Variants in ITSN1 observed in about 807,000 individuals in gnomAD.
ITSN1 encodes the protein intersectin 1, also known as intersectin-1.
Under a neutral mutation model 239.8 loss-of-function variants are expected in ITSN1, and 58 were observed. The ratio of observed to expected loss-of-function variants is 0.24; its 90% CI spans 0.20 to 0.30. The LOEUF is 0.30. Ranked by LOEUF, ITSN1 falls within the 10% of genes least tolerant of loss-of-function variation. ITSN1 has a pLI of 1.00. For missense variants in ITSN1, 1,558 were observed against 2,103.3 expected, an observed-to-expected ratio of 0.74 and a Z score of 5.07; for synonymous variants, 780 against 770.8, an observed-to-expected ratio of 1.01 and a Z score of -0.20.
At chr21:33,834,917 C>T (rs1241825701) in intron 28 of ITSN1, among the ~76,000 whole-genome samples, 1 of 152,126 alleles carries the variant, frequency 6.6e-6, no homozygotes, top group Non-Finnish European at 1.5e-5. Flanking sequence ...GCTGGGCAGG[C>T]AGGATGTTGT....
chr21:33,710,090 T>G (rs1371772288), intron 1 of ITSN1, among the ~76,000 whole-genome samples: 2 of 151,290 alleles, frequency 1.3e-5, no homozygotes, highest in Non-Finnish European at 3.0e-5. Context: ...TGTTTTTTTT[T>G]TTTTTTGAGA....
chr21:33,845,016 C>T (rs940161675), intron 29 of ITSN1, among the ~76,000 whole-genome samples: 1 of 152,102 alleles, frequency 6.6e-6, no homozygotes, highest in South Asian at 2.1e-4. Flanking sequence ...TTACCTCTCC[C>T]GCTGCCCACT....
intron 14 of ITSN1, among the ~76,000 whole-genome samples, chr21:33,776,847 TC>T (rs2069672081): frequency 6.6e-6 from 1 of 152,168 alleles, no homozygotes; most frequent in South Asian, 2.1e-4. Context: ...AAATATTTTC[TC>T]CCAATCTGGC....
At chr21:33,655,917 G>C (rs1480716337) in intron 1 of ITSN1, among the ~76,000 whole-genome samples, 1 of 152,106 alleles carries the variant, frequency 6.6e-6, no homozygotes, top group African/African-American at 2.4e-5. Context: ...AAATGCAGTT[G>C]GGTGGGGAGG....
At chr21:33,814,403 G>A in intron 22 of ITSN1, 1 of 266,538 alleles carries the variant, frequency 3.8e-6, no homozygotes, top group South Asian at 7.9e-5. Context: ...TGCTGGGAAG[G>A]CTCGAAGGCA....
chr21:33,802,945 C>T (rs2072120685), intron 20 of ITSN1, among the ~76,000 whole-genome samples: 1 of 152,074 alleles, frequency 6.6e-6, no homozygotes, highest in Non-Finnish European at 1.5e-5. Context: ...AAAGGGTTAC[C>T]CCTGTTACAT....
chr21:33,695,932 A>G (rs534201132), intron 1 of ITSN1, among the ~76,000 whole-genome samples: 1 of 152,318 alleles, frequency 6.6e-6, no homozygotes, highest in South Asian at 2.1e-4. Context: ...GAGATTAAAT[A>G]TTTGAGTCAT....
chr21:33,768,182 A>C (rs531746010), intron 11 of ITSN1, among the ~76,000 whole-genome samples: 2 of 152,354 alleles, frequency 1.3e-5, no homozygotes, highest in Non-Finnish European at 2.9e-5. Context: ...GAAATAGAAA[A>C]TCAAATCATC....
rs1986489307 is a variant in ITSN1 at position 33,893,327 on chromosome 21, C to T, written c.*5027C>T. ...CAAACCGGCCAGGTGCGGTGGCTCACACCTGTAATCCCAACACTTTGAGGG... is the reference window on the plus strand; with the variant it reads ...CAAACCGGCCAGGTGCGGTGGCTCATACCTGTAATCCCAACACTTTGAGGG... On this transcript the variant is annotated 3_prime_UTR_variant, in exon 40 of 40. Coordinates refer to ENST00000381318, the MANE Select transcript of ITSN1 (RefSeq NM_003024.3). 1 of 152,304 alleles carries T rather than the reference C, an allele frequency of 6.6e-6. No individual in the cohort carries two copies. The highest frequency in any genetic ancestry group is 2.1e-4 in the South Asian group (1 of 4,832). The allele number at this position is 152,304 out of a possible 1,614,324, so 9.4% of individuals were successfully genotyped here.
chr21:33,723,817 A>G (rs1240229156), intron 4 of ITSN1, among the ~76,000 whole-genome samples: 1 of 152,194 alleles, frequency 6.6e-6, no homozygotes, highest in Non-Finnish European at 1.5e-5. Context: ...CTCCTGTCAC[A>G]TAATAGGCCC....
At position 33,802,309 on chromosome 21, in the gene ITSN1, G is replaced by A. The variant is rs138013471; in HGVS notation, c.2305-121G>A. On this transcript the variant is annotated intron_variant, in intron 19 of 39. Transcript: ENST00000381318. ...CTAGGCCTGTTGAAACCTTTTCCTC[G>A]AATTGGCTAGTTAACCACCAGCTTG... is the stretch of plus-strand genomic sequence containing the variant. 1,169 of 925,518 alleles carry A rather than the reference G, an allele frequency of 1.3e-3. 11 individuals carry two copies. The highest frequency in any genetic ancestry group is 9.5e-5 in the Non-Finnish European group (56 of 588,806). The allele number at this position is 925,518 out of a possible 1,614,324, so 57.3% of individuals were successfully genotyped here.
At chr21:33,729,463 T>TAA (rs1024288539) in intron 4 of ITSN1, among the ~76,000 whole-genome samples, 1 of 97,294 alleles carries the variant, frequency 1.0e-5, no homozygotes, top group African/African-American at 3.9e-5. Flanking sequence ...AACAAACAAA[T>TAA]AAAAAAAAAA....
chr21:33,652,737 A>G (rs1192438681), intron 1 of ITSN1, among the ~76,000 whole-genome samples: 3 of 152,114 alleles, frequency 2.0e-5, no homozygotes, highest in Non-Finnish European at 4.4e-5. Context: ...CTGTATTACC[A>G]ATGAGTGTGA....
intron 11 of ITSN1, among the ~76,000 whole-genome samples, chr21:33,771,298 G>A (rs1449743041): frequency 6.6e-6 from 1 of 152,202 alleles, no homozygotes; most frequent in Non-Finnish European, 1.5e-5. Context: ...ATGGTTCTTA[G>A]ATGTGGACCA....
chr21:33,860,817 G>A (rs146247994), intron 31 of ITSN1, among the ~76,000 whole-genome samples: 127 of 152,220 alleles, frequency 8.3e-4, no homozygotes, highest in Admixed American at 1.4e-3. Context: ...TCTGGGCTCC[G>A]GCCCCTTCTA....
intron 4 of ITSN1, among the ~76,000 whole-genome samples, 167 bp from the exon 5 acceptor site, chr21:33,734,877 A>G (rs2066406051): frequency 6.6e-6 from 1 of 152,180 alleles, no homozygotes; most frequent in Non-Finnish European, 1.5e-5. Context: ...AAACTTGGCC[A>G]GTATTTACAG....
In ITSN1 at chr21:33,811,208, C is replaced by T. The variant is rs147907339; in HGVS notation, c.2553C>T (p.Ala851=). 304 of 1,592,636 alleles carry T rather than the reference C, an allele frequency of 1.9e-4. No homozygotes were observed. The highest frequency in any genetic ancestry group is 4.4e-5 in the Non-Finnish European group (51 of 1,167,862). Residue 851 remains alanine, a synonymous_variant, in exon 21 of 40, where the codon GCC becomes GCT. Transcript: ENST00000381318. ...SEPSTTPNNW[A]DFSSTWPTST... ...CCTCCACGACCCCTAATAACTGGGC[C>T]GACTTCAGCTCCACGTACGTGTTGG... is the stretch of plus-strand genomic sequence containing the variant.
intron 5 of ITSN1, among the ~76,000 whole-genome samples, chr21:33,747,616 G>A (rs1259160879): frequency 6.6e-6 from 1 of 152,170 alleles, no homozygotes; most frequent in Non-Finnish European, 1.5e-5. Context: ...ATGGATAGGG[G>A]AGCATAGATA....
rs542285012 is a variant in ITSN1 at position 33,674,418 on chromosome 21, C to G, written c.-33+31705C>G. Among the ~76,000 whole-genome samples the G allele has an allele frequency of 1.6e-4, 24 of 152,214 alleles. No individual in the cohort carries two copies. In the South Asian group the frequency reaches 5.0e-3, roughly 32 times the overall value. On this transcript the variant is annotated intron_variant, in intron 1 of 39. Coordinates refer to ENST00000381318, the MANE Select transcript of ITSN1 (RefSeq NM_003024.3). ...CATTCACTGGATCTGGGACAGGATC[C>G]AACAGTTTGCATTTCTAACAAGTTC... is the stretch of plus-strand genomic sequence containing the variant.
Sources: gnomAD v4.1 joint callset for allele counts (sites outside exome capture counted in the v4.1 genomes callset) on GRCh38, gnomAD v4.1.1 for gene constraint, MANE v1.5 for transcripts, NCBI Gene and HGNC (gene_info 2026-07-23, HGNC 2026-07-21) for gene names.